DPP6: variants seen among roughly 807,000 people sequenced by gnomAD.
DPP6 encodes the protein A-type potassium channel modulatory protein DPP6.
Under a neutral mutation model 122.6 loss-of-function variants are expected in DPP6, and 69 were observed. The observed-to-expected ratio is 0.56, with a 90% CI of 0.46 to 0.69. The LOEUF is 0.69. Among genes scored for constraint, DPP6 ranks in the 30% least tolerant of loss-of-function variants. DPP6 has a pLI of 0.00. For missense variants in DPP6, 928 were observed against 1,116.9 expected (o/e 0.83, Z 2.41); for synonymous variants, 418 against 433.1 (o/e 0.97, Z 0.43).
intron 12 of DPP6, 162 bp downstream of exon 12, chr7:154,796,045 C>A: frequency 8.5e-7 from 1 of 1,172,190 alleles, no homozygotes; most frequent in Non-Finnish European, 1.2e-6. Context: ...CGGTGCCTCC[C>A]GTTCTCCAGG....
At chr7:154,585,781 G>A (rs1044157332) in intron 5 of DPP6, among the ~76,000 whole-genome samples, 5 of 152,046 alleles carry the variant, frequency 3.3e-5, no homozygotes, top group Non-Finnish European at 7.4e-5. Flanking sequence ...CTTTCTTCCC[G>A]AATCTTTTTG....
At chr7:154,771,095 C>A (rs1375725237) in intron 9 of DPP6, among the ~76,000 whole-genome samples, 1 of 152,230 alleles carries the variant, frequency 6.6e-6, no homozygotes, top group Non-Finnish European at 1.5e-5. Flanking sequence ...ATGGTATGTG[C>A]CTGCTCTGCC....
intron 10 of DPP6, among the ~76,000 whole-genome samples, chr7:154,779,602 A>G (rs1796905856): frequency 6.6e-6 from 1 of 152,134 alleles, no homozygotes; most frequent in Admixed American, 6.5e-5. Flanking sequence ...CGCCTACTGT[A>G]TTTCCCTTTG....
At chr7:154,058,806 ACAGT>A (rs1801196508) in intron 1 of DPP6, 1 of 148,966 alleles carries the variant, frequency 6.7e-6, no homozygotes, top group African/African-American at 2.5e-5. Context: ...ACCCCCCACG[ACAGT>A]GGGGACTGAG....
At chr7:154,763,928 C>T (rs1356790851) in intron 8 of DPP6, among the ~76,000 whole-genome samples, 4 of 151,878 alleles carry the variant, frequency 2.6e-5, no homozygotes, top group Admixed American at 6.6e-5. Context: ...CCTCTTGGTG[C>T]CCTCTCTACC....
chr7:154,292,677 G>T (rs1190598302), intron 1 of DPP6, among the ~76,000 whole-genome samples: 1 of 152,168 alleles, frequency 6.6e-6, no homozygotes, highest in African/African-American at 2.4e-5. Flanking sequence ...TTCTTAAAAG[G>T]AAGAGAAATG....
At chr7:154,504,082 T>G (rs1444553957) in intron 3 of DPP6, among the ~76,000 whole-genome samples, 5 of 152,256 alleles carry the variant, frequency 3.3e-5, no homozygotes, top group Non-Finnish European at 5.9e-5. Flanking sequence ...TCAGTTGACC[T>G]CTACTCACTA....
chr7:154,699,530 G>A (rs897975969), intron 7 of DPP6, among the ~76,000 whole-genome samples: 1 of 152,200 alleles, frequency 6.6e-6, no homozygotes, highest in Non-Finnish European at 1.5e-5. Context: ...AGGCCCCGTG[G>A]CCCAGCCTTG....
intron 1 of DPP6, among the ~76,000 whole-genome samples, chr7:154,206,511 T>G (rs1443805991): frequency 6.6e-6 from 1 of 152,204 alleles, no homozygotes; most frequent in African/African-American, 2.4e-5. Flanking sequence ...TTCACGTACC[T>G]GAGAAACTCT....
At chr7:153,881,317 A>G in the DPP6 span, among the ~76,000 whole-genome samples, 1 of 152,220 alleles carries the variant, frequency 6.6e-6, no homozygotes, top group African/African-American at 2.4e-5. Context: ...AATGGCCAAC[A>G]TAGCCCTTGT....
At chr7:154,589,261 GA>G (rs1488518596) in intron 5 of DPP6, among the ~76,000 whole-genome samples, 1 of 152,098 alleles carries the variant, frequency 6.6e-6, no homozygotes, top group East Asian at 1.9e-4. Context: ...AATTTTGTTT[GA>G]AAAAATTCAG....
At chr7:154,750,847 A>G (rs1843343538) in intron 8 of DPP6, among the ~76,000 whole-genome samples, 1 of 152,100 alleles carries the variant, frequency 6.6e-6, no homozygotes, top group African/African-American at 2.4e-5. Context: ...CAGGTTCAAG[A>G]GGCACAGTGG....
chr7:154,746,383 G>T (rs566716528), intron 8 of DPP6, among the ~76,000 whole-genome samples: 1 of 152,108 alleles, frequency 6.6e-6, no homozygotes, highest in South Asian at 2.1e-4. Flanking sequence ...ATATGATGCC[G>T]GCCTTCCTTG....
At chr7:154,236,622 C>A (rs7803409) in intron 1 of DPP6, among the ~76,000 whole-genome samples, 6,900 of 152,244 alleles carry the variant, frequency 0.045, 268 homozygotes, top group African/African-American at 0.1. Context: ...ATGGGTGAGG[C>A]AGCCCACAGT....
intron 1 of DPP6, among the ~76,000 whole-genome samples, chr7:154,020,821 A>T (rs1261477587): frequency 2.0e-5 from 3 of 152,118 alleles, no homozygotes; most frequent in Non-Finnish European, 4.4e-5. Context: ...GGCAAGAGAA[A>T]CATGAGGCAT....
At chr7:154,130,285 A>G (rs959731487) in intron 1 of DPP6, among the ~76,000 whole-genome samples, 1 of 151,982 alleles carries the variant, frequency 6.6e-6, no homozygotes, top group African/African-American at 2.4e-5. Flanking sequence ...AGTCGTTGCC[A>G]CTGAAAAATG....
chr7:153,960,834 C>T (rs1301059400), intron 1 of DPP6, among the ~76,000 whole-genome samples: 1 of 149,458 alleles, frequency 6.7e-6, no homozygotes, highest in Non-Finnish European at 1.5e-5. Flanking sequence ...TATATCACTG[C>T]CTGAGGACAT....
At chr7:154,523,675 A>G (rs1283816934) in intron 3 of DPP6, among the ~76,000 whole-genome samples, 1 of 152,076 alleles carries the variant, frequency 6.6e-6, no homozygotes, top group African/African-American at 2.4e-5. Flanking sequence ...TTTCTGTGAT[A>G]TATGCTATTT....
chr7:153,884,987 A>AATACATATATATATATATAT (rs1209555021), upstream of DPP6, among the ~76,000 whole-genome samples: 57 of 116,458 alleles, frequency 4.9e-4, no homozygotes, highest in African/African-American at 9.7e-4. Flanking sequence ...TCAAAACAAA[A>AATACATATATATATATATAT]ATATATATAT....
Sources: gnomAD v4.1 joint callset for allele counts (sites outside exome capture counted in the v4.1 genomes callset) on GRCh38, gnomAD v4.1.1 for gene constraint, MANE v1.5 for transcripts, NCBI Gene and HGNC (gene_info 2026-07-23, HGNC 2026-07-21) for gene names.